Variants in NLGN1 observed in about 807,000 individuals in gnomAD.
NLGN1 encodes neuroligin 1, also known as neuroligin-1.
In NLGN1, 12 loss-of-function variants were observed where a neutral mutation model predicts 65.5. That is an observed-to-expected ratio of 0.18 (90% CI 0.12 to 0.30). The LOEUF is 0.30. NLGN1 is among the 10% of genes least tolerant of loss of function. NLGN1 has a pLI of 1.00. For missense variants in NLGN1, 750 were observed against 1,007.1 expected (o/e 0.74, Z 3.46); for synonymous variants, 350 against 359.5 (o/e 0.97, Z 0.30).
At chr3:173,512,655 A>G (rs1733174039) in intron 2 of NLGN1, among the ~76,000 whole-genome samples, 1 of 152,180 alleles carries the variant, frequency 6.6e-6, no homozygotes, top group South Asian at 2.1e-4. Flanking sequence ...GAGAGTGGAC[A>G]CACAGGGATG....
chr3:173,708,928 G>C (rs1481496524), intron 3 of NLGN1, among the ~76,000 whole-genome samples: 1 of 152,110 alleles, frequency 6.6e-6, no homozygotes, highest in Non-Finnish European at 1.5e-5. Flanking sequence ...TATTAATTTT[G>C]TTTTAAAAGT....
chr3:174,144,506 G>A (rs1337570865), intron 4 of NLGN1, among the ~76,000 whole-genome samples: 1 of 152,094 alleles, frequency 6.6e-6, no homozygotes, highest in Non-Finnish European at 1.5e-5. Context: ...CTTCCACAAC[G>A]GCTGAACTAA....
At chr3:173,661,464 C>G (rs10446343) in intron 3 of NLGN1, among the ~76,000 whole-genome samples, 1 of 151,842 alleles carries the variant, frequency 6.6e-6, no homozygotes, top group African/African-American at 2.4e-5. Flanking sequence ...GGTGAAGAAG[C>G]CTCCCAAATT....
chr3:173,862,183 A>G (rs1397411015), intron 4 of NLGN1, among the ~76,000 whole-genome samples: 1 of 152,104 alleles, frequency 6.6e-6, no homozygotes, highest in East Asian at 1.9e-4. Context: ...CAAATCAATA[A>G]CTAACTACAT....
intron 4 of NLGN1, among the ~76,000 whole-genome samples, chr3:173,966,768 A>G (rs1714966704): frequency 6.6e-6 from 1 of 152,186 alleles, no homozygotes; most frequent in Non-Finnish European, 1.5e-5. Context: ...AAATAGCATC[A>G]TTGTAGTTCA....
intron 2 of NLGN1, among the ~76,000 whole-genome samples, chr3:173,440,341 T>C (rs567463525): frequency 6.6e-5 from 10 of 152,296 alleles, no homozygotes; most frequent in African/African-American, 2.4e-4. Context: ...GTTGATATTT[T>C]GATCTCCTCC....
At chr3:173,684,841 T>G (rs1764456857) in intron 3 of NLGN1, among the ~76,000 whole-genome samples, 1 of 152,222 alleles carries the variant, frequency 6.6e-6, no homozygotes, top group Admixed American at 6.5e-5. Flanking sequence ...AAATTATAAC[T>G]AAGCTATTTT....
At chr3:174,277,316 T>A (rs1246569877) in intron 5 of NLGN1, among the ~76,000 whole-genome samples, 1 of 151,880 alleles carries the variant, frequency 6.6e-6, no homozygotes, top group East Asian at 1.9e-4. Context: ...GTCAACCCCA[T>A]CTTGCATCCA....
intron 2 of NLGN1, among the ~76,000 whole-genome samples, chr3:173,500,929 G>C (rs1730996948): frequency 6.6e-6 from 1 of 151,860 alleles, no homozygotes; most frequent in African/African-American, 2.4e-5. Flanking sequence ...AAGGGAACCA[G>C]GTATTATTTA....
chr3:174,078,548 G>A (rs546979965), intron 4 of NLGN1, among the ~76,000 whole-genome samples: 1 of 152,172 alleles, frequency 6.6e-6, no homozygotes, highest in Admixed American at 6.5e-5. Context: ...TTAAAAAAAA[G>A]AAGTAATGAC....
chr3:174,140,119 A>G (rs1311918977), intron 4 of NLGN1, among the ~76,000 whole-genome samples: 1 of 152,098 alleles, frequency 6.6e-6, no homozygotes, highest in Non-Finnish European at 1.5e-5. Context: ...TTTGCTATAT[A>G]TTATTTATTT....
At chr3:173,636,661 A>C (rs2149568343) in intron 3 of NLGN1, among the ~76,000 whole-genome samples, 1 of 152,196 alleles carries the variant, frequency 6.6e-6, no homozygotes, top group Non-Finnish European at 1.5e-5. Context: ...ATTATTTTAA[A>C]CTTTTTGTCC....
At chr3:173,474,198 T>C (rs1375138152) in intron 2 of NLGN1, among the ~76,000 whole-genome samples, 1 of 152,160 alleles carries the variant, frequency 6.6e-6, no homozygotes, top group Non-Finnish European at 1.5e-5. Context: ...CTTCTTCTTC[T>C]GAATTCTAGT....
At chr3:174,276,217 G>A (rs1015631246) in intron 5 of NLGN1, among the ~76,000 whole-genome samples, 3 of 151,678 alleles carry the variant, frequency 2.0e-5, no homozygotes, top group South Asian at 2.1e-4. Context: ...TATTTTTCTC[G>A]TTTCCATTTT....
chr3:173,447,053 A>G (rs1720500688), intron 2 of NLGN1, among the ~76,000 whole-genome samples: 1 of 152,120 alleles, frequency 6.6e-6, no homozygotes, highest in Non-Finnish European at 1.5e-5. Context: ...TGCTGTGCAG[A>G]AGCTCTTTAG....
chr3:174,082,210 G>A (rs1742381334), intron 4 of NLGN1, among the ~76,000 whole-genome samples: 1 of 152,028 alleles, frequency 6.6e-6, no homozygotes, highest in Non-Finnish European at 1.5e-5. Context: ...TCTCTGTTGA[G>A]GCAAACCACA....
intron 2 of NLGN1, among the ~76,000 whole-genome samples, chr3:173,543,710 T>C (rs1739280480): frequency 6.6e-6 from 1 of 152,162 alleles, no homozygotes. Context: ...CTTTTATTTA[T>C]ATGTGCAATT....
intron 3 of NLGN1, among the ~76,000 whole-genome samples, chr3:173,744,138 T>G (rs989323128): frequency 6.6e-6 from 1 of 152,234 alleles, no homozygotes; most frequent in South Asian, 2.1e-4. Context: ...CTTTATCCAC[T>G]TTAGTTATGA....
At chr3:174,019,917 A>G (rs1170339313) in intron 4 of NLGN1, among the ~76,000 whole-genome samples, 2 of 152,156 alleles carry the variant, frequency 1.3e-5, no homozygotes, top group Admixed American at 6.6e-5. Context: ...CCTCAGGTCT[A>G]TGTCACAAGA....
Sources: allele counts gnomAD v4.1 joint callset (sites outside exome capture counted in the v4.1 genomes callset), GRCh38; gene constraint gnomAD v4.1.1; transcripts MANE v1.5; gene names NCBI Gene and HGNC (gene_info 2026-07-23, HGNC 2026-07-21).